SEPHS1: variants seen among roughly 807,000 people sequenced by gnomAD.
SEPHS1 encodes zincore component SEPHS1.
In SEPHS1, 7 loss-of-function variants were observed where a neutral mutation model predicts 39.2. The observed-to-expected ratio is 0.18, with a 90% confidence interval of 0.10 to 0.34. SEPHS1 has a LOEUF of 0.34. Ranked by LOEUF, SEPHS1 falls within the 10% of genes least tolerant of loss-of-function variation. The probability of loss-of-function intolerance (pLI) is 1.00; values close to 1 mark genes in which losing one functional copy is unlikely to be tolerated. For missense variants in SEPHS1, 253 were observed against 514.5 expected (o/e 0.49, Z 4.92); for synonymous variants, 190 against 195.5 (o/e 0.97, Z 0.23).
intron 2 of SEPHS1, among the ~76,000 whole-genome samples, chr10:13,342,933 C>T (rs746195431): frequency 6.6e-6 from 1 of 151,986 alleles, no homozygotes; most frequent in Non-Finnish European, 1.5e-5. Context: ...ATGGGTTTCA[C>T]CATTTTGCCC....
intron 1 of SEPHS1, among the ~76,000 whole-genome samples, chr10:13,346,708 C>A (rs981774370): frequency 6.6e-6 from 1 of 152,140 alleles, no homozygotes; most frequent in South Asian, 2.1e-4. Flanking sequence ...CACAGCCTCA[C>A]CCCTACCAGG....
chr10:13,346,022 C>A (rs1483791688), intron 1 of SEPHS1, among the ~76,000 whole-genome samples: 2 of 152,264 alleles, frequency 1.3e-5, no homozygotes, highest in South Asian at 2.1e-4. Flanking sequence ...GATGTTTTCA[C>A]GCAGTGCTAT....
At chr10:13,332,209 G>A (rs1352198138) in intron 5 of SEPHS1, among the ~76,000 whole-genome samples, 3 of 152,228 alleles carry the variant, frequency 2.0e-5, no homozygotes, top group South Asian at 2.1e-4. Context: ...ATGCGATACC[G>A]ATTCATGCTA....
intron 2 of SEPHS1, among the ~76,000 whole-genome samples, chr10:13,339,280 CTAT>C (rs2130686120): frequency 6.6e-6 from 1 of 152,194 alleles, no homozygotes; most frequent in African/African-American, 2.4e-5. Context: ...TTGAAAAATG[CTAT>C]TATTACTTAT....
chr10:13,329,445 C>G (rs1290146426), intron 6 of SEPHS1, among the ~76,000 whole-genome samples: 3 of 152,166 alleles, frequency 2.0e-5, no homozygotes, highest in Non-Finnish European at 2.9e-5. Context: ...ACAAAGCTAA[C>G]CCCCTGCCGA....
At chr10:13,337,335 A>T (rs1323612909) in intron 3 of SEPHS1, among the ~76,000 whole-genome samples, 2 of 152,370 alleles carry the variant, frequency 1.3e-5, no homozygotes, top group Non-Finnish European at 1.5e-5. Flanking sequence ...TTTAAAATAC[A>T]ATTCAACAGA....
At chr10:13,321,446 C>T (rs1398249111) in intron 8 of SEPHS1, among the ~76,000 whole-genome samples, 1 of 152,058 alleles carries the variant, frequency 6.6e-6, no homozygotes, top group Non-Finnish European at 1.5e-5. Flanking sequence ...CAGGGTTTCA[C>T]CATGTTGGTC....
chr10:13,347,488 C>CGGGCCGGCGGGAGGCGGCGG (rs1833960414), intron 1 of SEPHS1: 1 of 147,956 alleles, frequency 6.8e-6, no homozygotes, highest in Non-Finnish European at 1.5e-5. Flanking sequence ...CATCCCTGTT[C>CGGGCCGGCGGGAGGCGGCGG]GGGCCGGCGG....
chr10:13,322,077 G>T (rs1423357480), intron 8 of SEPHS1: 2 of 453,316 alleles, frequency 4.4e-6, no homozygotes, highest in Non-Finnish European at 8.8e-6. Context: ...TAAGAAAAAA[G>T]AAAAATGGCA....
intron 2 of SEPHS1, among the ~76,000 whole-genome samples, chr10:13,339,557 T>C (rs11818504): frequency 2.0e-5 from 3 of 151,226 alleles, no homozygotes; most frequent in African/African-American, 7.3e-5. Context: ...CTGAACACAG[T>C]GAGCAGCCCT....
intron 1 of SEPHS1, chr10:13,345,565 C>G (rs974272989): frequency 2.0e-5 from 3 of 152,228 alleles, no homozygotes. Context: ...TAGAAAAACA[C>G]GTTTTCCCTC....
At position 13,323,195 on chromosome 10, in the gene SEPHS1, T is replaced by C. The variant is rs537384193; in HGVS notation, c.752-148A>G. 60 of 686,672 alleles carry C rather than the reference T, an allele frequency of 8.7e-5. No homozygotes were observed. The East Asian group carries it at 1.5e-3, about 17-fold the overall frequency. The allele number at this position is 686,672 out of a possible 1,614,324, so 42.5% of individuals were successfully genotyped here. A position where few individuals can be genotyped will look rare whatever the true frequency, so the allele number is the denominator to read the frequency against. ...CGCAATGTAAAATCAACCAAAGACA[T>C]AGTGAAATTCCAAAAGTTCTTATTT... On this transcript the variant is annotated intron_variant, in intron 7 of 8. Transcript: ENST00000327347.
At chr10:13,320,271 TCC>T (rs1833066491) in intron 8 of SEPHS1, among the ~76,000 whole-genome samples, 1 of 150,754 alleles carries the variant, frequency 6.6e-6, no homozygotes, top group African/African-American at 2.4e-5. Flanking sequence ...AAGCTCCACC[TCC>T]CGGGTTCACA....
chr10:13,319,166 A>G lies in SEPHS1; in HGVS notation c.1155T>C (p.Asn385=). 1.2e-6 allele frequency: 2 copies of G among 1,612,874 alleles called. No individual in the cohort carries two copies. The highest frequency in any genetic ancestry group is 1.7e-6 in the Non-Finnish European group (2 of 1,179,620). The change falls in exon 9 of 9, where the codon AAT becomes AAC. Residue 385 remains asparagine (N), a synonymous_variant. Coordinates refer to ENST00000327347, the MANE Select transcript of SEPHS1 (RefSeq NM_012247.5). ...VAPQVATQNV[N]PTPGATS ...ATTAAGAGGTGGCCCCGGGTGTGGG[A>G]TTCACATTTTGAGTGGCCACTTGTG... is the stretch of plus-strand genomic sequence containing the variant.
In SEPHS1 at chr10:13,318,091, A is replaced by T. The variant is rs1277146624; in HGVS notation, c.*1051T>A. 6.6e-6 allele frequency: 1 copy of T among 152,398 alleles called. No individual in the cohort carries two copies. The highest frequency in any genetic ancestry group is 1.9e-4 in the East Asian group (1 of 5,194). The allele number at this position is 152,398 out of a possible 1,614,324, so 9.4% of individuals were successfully genotyped here. ...TTATACAAGAGCAATTTAAAAAATT[A>T]AATATTTATTTGAATAACAAGTTTA... On this transcript the variant is annotated 3_prime_UTR_variant, in exon 9 of 9. Transcript: ENST00000327347.
chr10:13,325,653 G>T (rs966467407), intron 7 of SEPHS1, among the ~76,000 whole-genome samples: 3 of 152,004 alleles, frequency 2.0e-5, no homozygotes, highest in African/African-American at 7.2e-5. Context: ...GGTGGCTCAC[G>T]CCTGCAATTC....
intron 2 of SEPHS1, among the ~76,000 whole-genome samples, chr10:13,339,279 G>A (rs541066628): frequency 6.6e-6 from 1 of 152,170 alleles, no homozygotes; most frequent in East Asian, 1.9e-4. Context: ...ATTGAAAAAT[G>A]CTATTATTAC....
intron 2 of SEPHS1, among the ~76,000 whole-genome samples, chr10:13,342,969 G>T (rs1339854009): frequency 6.6e-6 from 1 of 151,994 alleles, no homozygotes; most frequent in African/African-American, 2.4e-5. Context: ...TCCTGACCTT[G>T]AGTGATCTGC....
At chr10:13,328,209 A>C (rs1833361024) in intron 7 of SEPHS1, 142 bp downstream of exon 7, 1 of 600,392 alleles carries the variant, frequency 1.7e-6, no homozygotes, top group Admixed American at 3.2e-5. Context: ...ATGGAATGCC[A>C]ACCTGGTACC....
Sources: allele counts gnomAD v4.1 joint callset (sites outside exome capture counted in the v4.1 genomes callset), GRCh38; gene constraint gnomAD v4.1.1; transcripts MANE v1.5; gene names NCBI Gene and HGNC (gene_info 2026-07-23, HGNC 2026-07-21).